The following DMD variants were observed in gnomAD, a reference collection of about 807,000 sequenced individuals.
DMD encodes dystrophin.
In DMD, 63 loss-of-function variants were observed where a neutral mutation model predicts 330.1. The ratio of observed to expected loss-of-function variants is 0.19; its 90% CI spans 0.16 to 0.24. The LOEUF (loss-of-function observed/expected upper bound fraction) is 0.24. Ranked by LOEUF, DMD falls within the 10% of genes least tolerant of loss-of-function variation. DMD has a pLI of 1.00. For missense variants in DMD, 3,344 were observed against 2,684.1 expected, an observed-to-expected ratio of 1.25 and a Z score of -5.43; for synonymous variants, 1,223 against 959.8, an observed-to-expected ratio of 1.27 and a Z score of -5.07.
chrX:32,967,635 A>G (rs1351953535), intron 2 of DMD, among the ~76,000 whole-genome samples: 2 of 111,593 alleles, frequency 1.8e-5, no homozygotes, highest in East Asian at 5.7e-4. Context: ...TGATGAGACA[A>G]AATGGGAGCG....
At chrX:31,540,658 A>C (rs918183051) in intron 55 of DMD, among the ~76,000 whole-genome samples, 16 of 112,025 alleles carry the variant, frequency 1.4e-4, no homozygotes, top group Non-Finnish European at 3.0e-4. Context: ...CAGCACTTTT[A>C]GATGAAAATT....
intron 7 of DMD, among the ~76,000 whole-genome samples, chrX:32,738,059 G>A (rs1183274761): frequency 8.9e-6 from 1 of 111,759 alleles, no homozygotes. Context: ...ACAGGAAGCT[G>A]TAATTAAGGT....
At chrX:31,215,009 T>A (rs2045250604) in intron 64 of DMD, among the ~76,000 whole-genome samples, 1 of 87,416 alleles carries the variant, frequency 1.1e-5, no homozygotes, top group Non-Finnish European at 2.1e-5. Context: ...TGGCGCGATC[T>A]CGGCTCGCTG....
intron 67 of DMD, among the ~76,000 whole-genome samples, chrX:31,192,619 C>T (rs749975868): frequency 1.2e-3 from 130 of 112,099 alleles, no homozygotes; most frequent in African/African-American, 4.2e-3. Context: ...GCCTTTATAA[C>T]ATTTAGCATA....
At chrX:32,885,444 C>T (rs2084423970) in intron 2 of DMD, among the ~76,000 whole-genome samples, 1 of 111,343 alleles carries the variant, frequency 9.0e-6, no homozygotes, top group Admixed American at 9.5e-5. Flanking sequence ...AAAAGTCAAT[C>T]ATATTTTCAT....
At chrX:32,329,609 ATG>A (rs2097668975) in intron 41 of DMD, among the ~76,000 whole-genome samples, 1 of 112,481 alleles carries the variant, frequency 8.9e-6, no homozygotes, top group Admixed American at 9.4e-5. Flanking sequence ...TTCATGTTTC[ATG>A]TGTGTTTATG....
At chrX:32,039,224 A>G (rs764213558) in intron 44 of DMD, among the ~76,000 whole-genome samples, 1 of 111,236 alleles carries the variant, frequency 9.0e-6, no homozygotes, top group Non-Finnish European at 1.9e-5. Flanking sequence ...AATGAGAATT[A>G]TTATGCTATG....
chrX:31,984,456 G>A (rs904475772), intron 44 of DMD, among the ~76,000 whole-genome samples: 3 of 112,181 alleles, frequency 2.7e-5, no homozygotes, highest in Non-Finnish European at 5.6e-5. Flanking sequence ...TTTGATACAC[G>A]AAGGTGAATG....
intron 7 of DMD, among the ~76,000 whole-genome samples, chrX:32,739,964 A>T (rs2069020836): frequency 1.8e-5 from 2 of 110,331 alleles, no homozygotes; most frequent in South Asian, 7.7e-4. Context: ...GGTTGCCATT[A>T]AGTCTATTCA....
At chrX:32,752,187 G>T (rs745385012) in intron 7 of DMD, among the ~76,000 whole-genome samples, 5 of 111,616 alleles carry the variant, frequency 4.5e-5, no homozygotes, top group Non-Finnish European at 7.5e-5. Flanking sequence ...TCCACTGGCA[G>T]CTTGCAACAC....
intron 9 of DMD, among the ~76,000 whole-genome samples, chrX:32,683,235 C>T (rs1013436987): frequency 8.2e-5 from 9 of 110,397 alleles, no homozygotes; most frequent in Non-Finnish European, 1.7e-4. Context: ...GAAGGAGTGG[C>T]GATTCCTCAG....
At chrX:31,576,217 C>A (rs2076091702) in intron 55 of DMD, among the ~76,000 whole-genome samples, 1 of 111,505 alleles carries the variant, frequency 9.0e-6, no homozygotes, top group Non-Finnish European at 1.9e-5. Flanking sequence ...TTCACCAGTT[C>A]TTACATACAT....
At chrX:33,069,885 T>C (rs1260752158) in intron 1 of DMD, among the ~76,000 whole-genome samples, 1 of 111,856 alleles carries the variant, frequency 8.9e-6, no homozygotes, top group Non-Finnish European at 1.9e-5. Flanking sequence ...CTCTTCCTGT[T>C]TTTCTTATGA....
intron 76 of DMD, among the ~76,000 whole-genome samples, chrX:31,144,526 C>T (rs180720223): frequency 7.1e-5 from 8 of 112,292 alleles, no homozygotes; most frequent in Middle Eastern, 4.6e-3. Flanking sequence ...CACCCACACC[C>T]CTGACTTTTC....
chrX:32,139,663 G>A (rs2096743252), intron 44 of DMD, among the ~76,000 whole-genome samples: 1 of 112,094 alleles, frequency 8.9e-6, no homozygotes, highest in African/African-American at 3.2e-5. Context: ...CTGTGCCAAT[G>A]TCAGTTTATT....
At chrX:33,129,736 G>A (rs2095488400) in intron 1 of DMD, among the ~76,000 whole-genome samples, 3 of 110,702 alleles carry the variant, frequency 2.7e-5, no homozygotes, top group Admixed American at 1.9e-4. Flanking sequence ...TGTCTACAAA[G>A]AGTACTGCAT....
chrX:31,448,572 A>C (rs57670853), intron 59 of DMD, among the ~76,000 whole-genome samples: 16,243 of 112,090 alleles, frequency 0.14, 980 homozygotes, highest in East Asian at 0.29. Context: ...ATTATTAAAC[A>C]CTACACCTAA....
intron 16 of DMD, among the ~76,000 whole-genome samples, chrX:32,557,866 C>T (rs1418907334): frequency 2.7e-5 from 3 of 110,148 alleles, no homozygotes; most frequent in Non-Finnish European, 5.7e-5. Flanking sequence ...ACAATGAGTG[C>T]CAAAGTTCAG....
At chrX:32,396,455 T>C (rs1296952998) in intron 30 of DMD, among the ~76,000 whole-genome samples, 1 of 111,463 alleles carries the variant, frequency 9.0e-6, no homozygotes, top group Non-Finnish European at 1.9e-5. Flanking sequence ...TCTTTATGCA[T>C]TGAGTAGATT....
Sources: allele counts gnomAD v4.1 joint callset (sites outside exome capture counted in the v4.1 genomes callset), GRCh38; gene constraint gnomAD v4.1.1; transcripts MANE v1.5; gene names NCBI Gene and HGNC (gene_info 2026-07-23, HGNC 2026-07-21).